The following DTHD1 variants were observed in gnomAD, a reference collection of about 807,000 sequenced individuals.
DTHD1 encodes death domain containing 1, also known as death domain-containing protein 1.
DTHD1 carries 59 observed loss-of-function variants against 74.8 expected under a neutral mutation model. That is an observed-to-expected ratio of 0.79 (90% CI 0.64 to 0.98). The LOEUF is 0.98. Among genes scored for constraint, DTHD1 ranks in the 50% least tolerant of loss-of-function variants. The probability of loss-of-function intolerance (pLI) is 0.00; values close to 1 mark genes in which losing one functional copy is unlikely to be tolerated. For missense variants in DTHD1, 1,051 were observed against 1,065.4 expected (o/e 0.99, Z 0.19); for synonymous variants, 365 against 371.1 (o/e 0.98, Z 0.19).
At position 36,284,085 on chromosome 4, in the gene DTHD1, T is replaced by A. The variant is rs1433993851; in HGVS notation, c.381T>A (p.His127Gln). 1.3e-6 allele frequency: 2 copies of A among 1,537,110 alleles called. No individual in the cohort carries two copies. Among genetic ancestry groups the A allele is most frequent in the Non-Finnish European group, 1.7e-6 (2 of 1,146,890 alleles). The change falls in exon 2 of 10, where the codon CAT becomes CAA. Residue 127 changes from histidine to glutamine, a missense_variant. His to Gln is a conservative substitution (Grantham distance 24). Transcript: ENST00000639862. ...EKEICNLCGM[H>Q]DECTPQQTMS... is the part of the protein sequence containing the mutation. ...AGATTTGTAATTTATGCGGCATGCA[T>A]GATGAATGTACTCCACAGCAGACAA...
At chr4:36,323,548 C>A (rs1322323792) in intron 8 of DTHD1, among the ~76,000 whole-genome samples, 1 of 141,176 alleles carries the variant, frequency 7.1e-6, no homozygotes, top group Admixed American at 7.3e-5. Flanking sequence ...GTTGAAGGAT[C>A]AAATGGAACT....
chr4:36,317,034 G>A (rs1228258412), intron 8 of DTHD1, among the ~76,000 whole-genome samples: 2 of 152,126 alleles, frequency 1.3e-5, no homozygotes, highest in African/African-American at 4.8e-5. Context: ...CAGTGAAACA[G>A]GACTTGGTGA....
chr4:36,291,841 A>C (rs1756102363), intron 3 of DTHD1, among the ~76,000 whole-genome samples: 1 of 152,198 alleles, frequency 6.6e-6, no homozygotes, highest in South Asian at 2.1e-4. Context: ...AACAATAAAA[A>C]TAATAAATTT....
chr4:36,344,049 T>G lies in DTHD1; in HGVS notation c.*225T>G, dbSNP rs576698568. 4 of 512,606 alleles carry G rather than the reference T, an allele frequency of 7.8e-6. No individual in the cohort carries two copies. The highest frequency in any genetic ancestry group is 5.6e-5 in the South Asian group (2 of 35,534). 31.8% of individuals were successfully genotyped at this position (512,606 alleles called of 1,614,324 possible). A position where few individuals can be genotyped will look rare whatever the true frequency, so the allele number is the denominator to read the frequency against. ...GTTGAGTGATTATGTTTTGCAACCATGACTGTCTTGAGTTTGGCCTCACTT... is the reference window on the plus strand; with the variant it reads ...GTTGAGTGATTATGTTTTGCAACCAGGACTGTCTTGAGTTTGGCCTCACTT... On this transcript the variant is annotated 3_prime_UTR_variant, in exon 10 of 10. Coordinates refer to ENST00000639862, the MANE Select transcript of DTHD1 (RefSeq NM_001170700.3).
At chr4:36,317,292 C>T (rs1455716202) in intron 8 of DTHD1, among the ~76,000 whole-genome samples, 1 of 152,134 alleles carries the variant, frequency 6.6e-6, no homozygotes, top group Non-Finnish European at 1.5e-5. Flanking sequence ...CTGCGCTAGG[C>T]TTTGTGATAA....
chr4:36,319,173 T>G (rs1338243522), intron 8 of DTHD1, among the ~76,000 whole-genome samples: 3 of 152,220 alleles, frequency 2.0e-5, no homozygotes, highest in Non-Finnish European at 1.5e-5. Context: ...CTATTTTCCT[T>G]TGCTTCTTTA....
Position 36,281,910 on chromosome 4 carries a change from G to A in DTHD1, c.152G>A (p.Gly51Asp). The A allele has an allele frequency of 7.6e-7, 1 of 1,309,216 alleles. No homozygotes were observed. The highest frequency in any genetic ancestry group is 2.6e-5 in the South Asian group (1 of 39,028). 81.1% of individuals were successfully genotyped at this position (1,309,216 alleles called of 1,614,324 possible). A position where few individuals can be genotyped will look rare whatever the true frequency, so the allele number is the denominator to read the frequency against. ...ATWMATVVFL[G>D]QELSSALHQL... ...TGGATGGCCACTGTGGTCTTTCTGG[G>A]TCAGGAACTCAGCAGTGCCCTTCAC... is the stretch of plus-strand genomic sequence containing the variant. The change falls in exon 1 of 10, where the codon GGT becomes GAT. Residue 51 changes from glycine to aspartate, a missense_variant. Transcript: ENST00000639862.
At position 36,330,943 on chromosome 4, in the gene DTHD1, T is replaced by C. The variant is rs1758625272; in HGVS notation, c.2341-8169T>C. On this transcript the variant is annotated intron_variant, in intron 8 of 9. Coordinates refer to ENST00000639862, the MANE Select transcript of DTHD1 (RefSeq NM_001170700.3). ...ATTGTATGAGTCATACATTGTAAAA[T>C]TCAGCATACCCTTTACTGTTATGCA... is the stretch of plus-strand genomic sequence containing the variant. 3.3e-5 allele frequency among the ~76,000 whole-genome samples: 5 copies of C among 152,120 alleles called. No homozygotes were observed. The South Asian group carries it at 1.0e-3, about 31-fold the overall frequency.
intron 5 of DTHD1, among the ~76,000 whole-genome samples, chr4:36,303,357 C>T (rs920680799): frequency 1.3e-5 from 2 of 152,084 alleles, no homozygotes; most frequent in Middle Eastern, 3.2e-3. Context: ...ATCTTTATAT[C>T]GTTAAGGACT....
At chr4:36,283,231 G>A (rs1483607333) in intron 1 of DTHD1, among the ~76,000 whole-genome samples, 2 of 152,168 alleles carry the variant, frequency 1.3e-5, no homozygotes, top group African/African-American at 4.8e-5. Flanking sequence ...ATAGGAGAGT[G>A]GGAAGAATGA....
intron 8 of DTHD1, 80 bp from the exon 9 acceptor site, chr4:36,339,032 T>C (rs1210842212): frequency 4.5e-6 from 5 of 1,122,740 alleles, no homozygotes; most frequent in East Asian, 5.2e-5. Context: ...ACAGAGATGA[T>C]GTTCAGATGA....
Position 36,294,788 on chromosome 4 carries a change from T to C in DTHD1, c.1399-7T>C. ...AAAACATAAGAAAAAATATATTTTT[T>C]GTTTAGATCCAACCAGTTGACCCAG... On this transcript the variant is annotated splice_region_variant and splice_polypyrimidine_tract_variant and intron_variant, in intron 4 of 9. Transcript: ENST00000639862. 1 of 1,500,560 alleles carries C rather than the reference T, an allele frequency of 6.7e-7. No individual in the cohort carries two copies. The highest frequency in any genetic ancestry group is 1.4e-5 in the African/African-American group (1 of 70,778). 93.0% of individuals were successfully genotyped at this position (1,500,560 alleles called of 1,614,324 possible).
chr4:36,320,936 A>G (rs6835441), intron 8 of DTHD1, among the ~76,000 whole-genome samples: 59,748 of 152,018 alleles, frequency 0.39, 12,358 homozygotes, highest in African/African-American at 0.51. Context: ...GTAAATATTT[A>G]CATATATGTA....
intron 3 of DTHD1, among the ~76,000 whole-genome samples, chr4:36,293,298 G>C (rs542058611): frequency 6.8e-4 from 103 of 152,242 alleles, no homozygotes; most frequent in Non-Finnish European, 1.3e-3. Context: ...AATATAAGAA[G>C]TATGTTTATT....
At chr4:36,343,379 C>A (rs990589853) in intron 9 of DTHD1, 123 bp from the exon 10 acceptor site, 9 of 881,460 alleles carry the variant, frequency 1.0e-5, no homozygotes, top group African/African-American at 8.5e-5. Flanking sequence ...TCTCATATCT[C>A]TGCACTGCTC....
intron 7 of DTHD1, among the ~76,000 whole-genome samples, chr4:36,310,887 A>T (rs1354036288): frequency 6.6e-6 from 1 of 152,136 alleles, no homozygotes; most frequent in Admixed American, 6.5e-5. Flanking sequence ...AGAGGAAGGA[A>T]GGGTGGAAGA....
chr4:36,302,044 C>T lies in DTHD1; in HGVS notation c.1644-4147C>T, dbSNP rs193069572. On this transcript the variant is annotated intron_variant, in intron 5 of 9. Transcript: ENST00000639862. ...TGTGGGCATGTTGGGGGCCAGGGTG[C>T]GGGGGCCCACTAAGGTACAGCGTCA... Among the ~76,000 whole-genome samples, 257 of 148,648 alleles carry T rather than the reference C, an allele frequency of 1.7e-3. 1 individual carries two copies. The highest frequency in any genetic ancestry group is 2.9e-3 in the Non-Finnish European group (195 of 67,968).
intron 3 of DTHD1, among the ~76,000 whole-genome samples, chr4:36,292,482 A>G (rs1300151383): frequency 6.6e-6 from 1 of 152,180 alleles, no homozygotes; most frequent in Non-Finnish European, 1.5e-5. Flanking sequence ...TAATTATTTA[A>G]AAACCCTTTT....
chr4:36,290,798 C>T, intron 3 of DTHD1, 95 bp downstream of exon 3: 1 of 981,762 alleles, frequency 1.0e-6, no homozygotes, highest in African/African-American at 1.6e-5. Flanking sequence ...ATAATTGCTC[C>T]ACTAGTAATA....
Sources: gnomAD v4.1 joint callset for allele counts (sites outside exome capture counted in the v4.1 genomes callset) on GRCh38, gnomAD v4.1.1 for gene constraint, MANE v1.5 for transcripts, NCBI Gene and HGNC (gene_info 2026-07-23, HGNC 2026-07-21) for gene names.